KIF16B: variants seen among roughly 807,000 people sequenced by gnomAD.
KIF16B encodes the protein kinesin family member 16B.
A neutral mutation model predicts 156.3 loss-of-function variants in KIF16B; 98 were observed. The observed-to-expected ratio is 0.63, with a 90% CI of 0.53 to 0.74. The LOEUF (loss-of-function observed/expected upper bound fraction) is 0.74, where lower values mean the gene tolerates loss of function less well. KIF16B is among the 30% of genes least tolerant of loss of function. The probability of loss-of-function intolerance (pLI) is 0.00; values close to 1 mark genes in which losing one functional copy is unlikely to be tolerated. For missense variants in KIF16B, 1,421 were observed against 1,606.5 expected (o/e 0.88, Z 1.97); for synonymous variants, 564 against 583.7 (o/e 0.97, Z 0.49).
chr20:16,327,303 G>T (rs891534488), intron 24 of KIF16B, among the ~76,000 whole-genome samples: 4 of 151,832 alleles, frequency 2.6e-5, no homozygotes, highest in Non-Finnish European at 4.4e-5. Flanking sequence ...AGGGTGGGAG[G>T]GGGGATTAGG....
At chr20:16,308,782 T>C (rs951587147) in intron 25 of KIF16B, among the ~76,000 whole-genome samples, 1 of 152,250 alleles carries the variant, frequency 6.6e-6, no homozygotes, top group Non-Finnish European at 1.5e-5. Context: ...TACAACACAA[T>C]GGCAGTTTCT....
intron 22 of KIF16B, chr20:16,368,474 A>AG: frequency 2.0e-6 from 2 of 986,158 alleles, no homozygotes; most frequent in Non-Finnish European, 2.4e-6. Flanking sequence ...GTTACCTGGG[A>AG]GGGGAGCCCC....
In KIF16B at chr20:16,508,021, T is replaced by C; in HGVS notation, c.636A>G (p.Ala212=). ...TACTGACGTCGTTCATCCCAGTCGC[T>C]GCGGTGGTCCGGTTGATATTGCCCG... ...MDAGNINRTT[A]ATGMNDVSSR... Residue 212 remains alanine (A), a synonymous_variant, in exon 7 of 26, where the codon GCA becomes GCG. Transcript: ENST00000354981. 3 of 1,614,198 alleles carry C rather than the reference T, an allele frequency of 1.9e-6. No homozygotes were observed. Among genetic ancestry groups the C allele is most frequent in the Non-Finnish European group, 2.5e-6 (3 of 1,180,022 alleles).
rs202014421 is a variant in KIF16B, at chr20:16,379,582, G to A, written c.2420C>T (p.Ala807Val). 6.2e-7 allele frequency: 1 copy of A among 1,614,102 alleles called. No individual in the cohort carries two copies. Among genetic ancestry groups the A allele is most frequent in the Non-Finnish European group, 8.5e-7 (1 of 1,180,020 alleles). ...GCCATCTTCATCCCCTCCGGCACGAGCCTCCTTCACCCGCAGGAGGGATTC... is the reference window on the plus strand; with the variant it reads ...GCCATCTTCATCCCCTCCGGCACGAACCTCCTTCACCCGCAGGAGGGATTC... ...IRESLLRVKE[A>V]RAGGDEDGEE... Residue 807 changes from alanine to valine, a missense_variant, in exon 19 of 26, where the codon GCT becomes GTT. Coordinates refer to ENST00000354981, the MANE Select transcript of KIF16B (RefSeq NM_024704.5).
At chr20:16,391,325 T>A (rs1454441398) in intron 17 of KIF16B, among the ~76,000 whole-genome samples, 1 of 152,132 alleles carries the variant, frequency 6.6e-6, no homozygotes. Context: ...GAGTCCTCTA[T>A]CACAGCACGG....
intron 12 of KIF16B, among the ~76,000 whole-genome samples, chr20:16,452,462 C>T (rs1176292434): frequency 6.6e-6 from 1 of 151,644 alleles, no homozygotes; most frequent in African/African-American, 2.4e-5. Flanking sequence ...AAAAGTATAT[C>T]CACAAAGCTA....
rs528260819 is a variant in KIF16B, at chr20:16,372,989, T to A, written c.3351-1228A>T. Among the ~76,000 whole-genome samples, 6 of 152,334 alleles carry A rather than the reference T, an allele frequency of 3.9e-5. No individual in the cohort carries two copies. The South Asian group carries it at 1.2e-3, about 32-fold the overall frequency. ...CTGGGATTATAGGCGTCAGCCACCA[T>A]GCCCGGCCGGATGGATTATTTTAAA... On this transcript the variant is annotated intron_variant, in intron 20 of 25. Transcript: ENST00000354981.
At chr20:16,342,490 T>C (rs1273574083) in intron 23 of KIF16B, among the ~76,000 whole-genome samples, 1 of 152,212 alleles carries the variant, frequency 6.6e-6, no homozygotes, top group African/African-American at 2.4e-5. Context: ...AAGCATGGCC[T>C]ACTGGAGTCT....
At chr20:16,566,506 A>G (rs986445531) in intron 1 of KIF16B, among the ~76,000 whole-genome samples, 1 of 152,238 alleles carries the variant, frequency 6.6e-6, no homozygotes, top group Non-Finnish European at 1.5e-5. Context: ...GTAGCTCACA[A>G]TGCCTAATAA....
Position 16,369,387 on chromosome 20 carries a change from A to G in KIF16B, c.3498+1199T>C, listed in dbSNP as rs967619162. Reference sequence around the variant, plus strand: ...TAGATTAATTCAGAGGTTAAATAAAAAGTCTAAGCCATTTGTATTGATACA... The same window carrying G: ...TAGATTAATTCAGAGGTTAAATAAAGAGTCTAAGCCATTTGTATTGATACA... On this transcript the variant is annotated intron_variant, in intron 22 of 25. Coordinates refer to ENST00000354981, the MANE Select transcript of KIF16B (RefSeq NM_024704.5). The G allele has an allele frequency of 1.3e-5, 9 of 692,994 alleles. No individual in the cohort carries two copies. The African/African-American group carries it at 1.6e-4, about 12-fold the overall frequency. The allele number at this position is 692,994 out of a possible 1,614,324, so 42.9% of individuals were successfully genotyped here.
At chr20:16,501,823 A>T (rs1174734543) in intron 10 of KIF16B, among the ~76,000 whole-genome samples, 2 of 152,200 alleles carry the variant, frequency 1.3e-5, no homozygotes, top group Admixed American at 1.3e-4. Flanking sequence ...AAGCCTGTAG[A>T]GGTCAGGAGA....
At chr20:16,443,294 A>G (rs2066851465) in intron 12 of KIF16B, among the ~76,000 whole-genome samples, 1 of 152,202 alleles carries the variant, frequency 6.6e-6, no homozygotes. Flanking sequence ...CAATATGTCA[A>G]AGAAAACACT....
In KIF16B at chr20:16,292,526, T is replaced by G. The variant is rs565568168; in HGVS notation, c.3796-19115A>C. ...AAGACCACAGTGAGCACCTTTTATC[T>G]GAAAAAAAGCACAAGGTATTTGGAA... On this transcript the variant is annotated intron_variant, in intron 25 of 25. Transcript: ENST00000354981. Among the ~76,000 whole-genome samples, 8 of 152,278 alleles carry G rather than the reference T, an allele frequency of 5.3e-5. No individual in the cohort carries two copies. In the South Asian group the frequency reaches 1.7e-3, roughly 32 times the overall value.
chr20:16,573,428 A>G lies in KIF16B; in HGVS notation c.-153T>C, dbSNP rs1206429737. Reference sequence around the variant, plus strand: ...GGACCTGGAGTTCCGCGGCAGCCCCACCTGCCAGGCCACTGAGCATGCCCA... The same window carrying G: ...GGACCTGGAGTTCCGCGGCAGCCCCGCCTGCCAGGCCACTGAGCATGCCCA... On this transcript the variant is annotated 5_prime_UTR_variant, in exon 1 of 26. Coordinates refer to ENST00000354981, the MANE Select transcript of KIF16B (RefSeq NM_024704.5). 4.7e-5 allele frequency: 36 copies of G among 765,094 alleles called. No homozygotes were observed. The East Asian group carries it at 6.5e-4, about 14-fold the overall frequency. 47.4% of individuals were successfully genotyped at this position (765,094 alleles called of 1,614,324 possible).
intron 25 of KIF16B, among the ~76,000 whole-genome samples, chr20:16,287,417 C>G (rs1411502711): frequency 1.3e-5 from 2 of 152,028 alleles, no homozygotes; most frequent in African/African-American, 4.8e-5. Context: ...TCTGAGAGCT[C>G]CAAGTTAAAA....
chr20:16,548,461 C>T (rs2070498890), intron 1 of KIF16B, among the ~76,000 whole-genome samples: 1 of 152,210 alleles, frequency 6.6e-6, no homozygotes, highest in South Asian at 2.1e-4. Flanking sequence ...AGGAGGAGGT[C>T]AGCGGCAGGC....
At chr20:16,371,520 G>A (rs545046572) in intron 21 of KIF16B, 145 bp downstream of exon 21, 1 of 560,092 alleles carries the variant, frequency 1.8e-6, no homozygotes, top group Non-Finnish European at 3.2e-6. Context: ...GAACTGGGAG[G>A]TGGAGGTTGC....
intron 23 of KIF16B, among the ~76,000 whole-genome samples, chr20:16,343,887 G>C (rs1056338218): frequency 5.3e-5 from 8 of 151,976 alleles, no homozygotes; most frequent in South Asian, 2.1e-4. Flanking sequence ...ACTTCTGAAA[G>C]TGTATCCTAA....
chr20:16,427,161 C>T lies in KIF16B; in HGVS notation c.1555G>A (p.Gly519Arg). 1 of 1,612,848 alleles carries T rather than the reference C, an allele frequency of 6.2e-7. No individual in the cohort carries two copies. Among genetic ancestry groups the T allele is most frequent in the Non-Finnish European group, 8.5e-7 (1 of 1,179,160 alleles). The change falls in exon 15 of 26, where the codon GGG becomes AGG. Residue 519 changes from glycine (G) to arginine (R), a missense_variant. Transcript: ENST00000354981. ...GGTVTLIPLSGSQCSVNGVQI... is the reference protein window; with the variant it reads ...GGTVTLIPLSRSQCSVNGVQI... ...ACACCATTCACAGAGCACTGGGACCCACTCAGGGGTATCAGAGTCACTGTC... is the reference window on the plus strand; with the variant it reads ...ACACCATTCACAGAGCACTGGGACCTACTCAGGGGTATCAGAGTCACTGTC...
Sources: gnomAD v4.1 joint callset for allele counts (sites outside exome capture counted in the v4.1 genomes callset) on GRCh38, gnomAD v4.1.1 for gene constraint, MANE v1.5 for transcripts, NCBI Gene and HGNC (gene_info 2026-07-23, HGNC 2026-07-21) for gene names.